The following FBLN1 variants were observed in gnomAD, a reference collection of about 807,000 sequenced individuals.
FBLN1 encodes the protein fibulin-1.
Under a neutral mutation model 89.7 loss-of-function variants are expected in FBLN1, and 34 were observed. That is an observed-to-expected ratio of 0.38 (90% CI 0.29 to 0.50). The LOEUF is 0.50. Ranked by LOEUF, FBLN1 falls within the 20% of genes least tolerant of loss-of-function variation. The pLI is 0.92. For missense variants in FBLN1, 777 were observed against 988.1 expected, an observed-to-expected ratio of 0.79 and a Z score of 2.86; for synonymous variants, 393 against 391.3, an observed-to-expected ratio of 1.00 and a Z score of -0.05.
intron 16 of FBLN1, among the ~76,000 whole-genome samples, chr22:45,595,089 G>A (rs2146668711): frequency 6.6e-6 from 1 of 152,292 alleles, no homozygotes; most frequent in South Asian, 2.1e-4. Flanking sequence ...GCAAGGAGGT[G>A]GAAGTCATGC....
rs557970493 is a variant in FBLN1 at position 45,574,496 on chromosome 22, T to C, written c.1698-15T>C. 1 of 1,614,078 alleles carries C rather than the reference T, an allele frequency of 6.2e-7. No homozygotes were observed. Among genetic ancestry groups the C allele is most frequent in the Non-Finnish European group, 8.5e-7 (1 of 1,180,020 alleles). ...CAGCTTCCCCGTCAGCCTCGTGTGC[T>C]GTGGTTCCCCTCAGGCTCCAGCAGG... On this transcript the variant is annotated splice_polypyrimidine_tract_variant and intron_variant, in intron 14 of 16. Coordinates refer to ENST00000327858, the MANE Select transcript of FBLN1 (RefSeq NM_006486.3). This position sits in a 1 kb window ranked among gnomAD's most constrained non-coding sequence, Gnocchi z 4.1.
intron 16 of FBLN1, among the ~76,000 whole-genome samples, chr22:45,582,208 T>C (rs2089048135): frequency 6.6e-6 from 1 of 152,134 alleles, no homozygotes; most frequent in East Asian, 1.9e-4. Flanking sequence ...GCCCTGATTA[T>C]TTTTTCTGGT....
chr22:45,589,269 A>G (rs1163280999), intron 16 of FBLN1, among the ~76,000 whole-genome samples: 1 of 152,100 alleles, frequency 6.6e-6, no homozygotes, highest in Non-Finnish European at 1.5e-5. Flanking sequence ...GAATGCACAC[A>G]TCATGCTGGG....
At chr22:45,589,111 A>T (rs908599784) in intron 16 of FBLN1, among the ~76,000 whole-genome samples, 2 of 147,776 alleles carry the variant, frequency 1.4e-5, no homozygotes, top group Non-Finnish European at 3.0e-5. Context: ...ATATATAAAA[A>T]TATTTTTATA....
At chr22:45,517,336 G>C (rs1231326685) in intron 1 of FBLN1, 5 of 328,144 alleles carry the variant, frequency 1.5e-5, no homozygotes, top group Non-Finnish European at 3.0e-5. Context: ...TCTGGCATTT[G>C]AGTCCTTTAG....
chr22:45,548,783 C>G, intron 13 of FBLN1, 39 bp downstream of exon 13: 2 of 1,609,356 alleles, frequency 1.2e-6, no homozygotes, highest in Non-Finnish European at 8.5e-7. Flanking sequence ...TCACGCTCTG[C>G]TTGGGGCCCT....
At chr22:45,555,235 C>G (rs1298430442) in intron 14 of FBLN1, among the ~76,000 whole-genome samples, 1 of 128,332 alleles carries the variant, frequency 7.8e-6, no homozygotes, top group Non-Finnish European at 1.6e-5. Context: ...AGGGACAGAA[C>G]TAATGGAATA....
In FBLN1 at chr22:45,550,605, T is replaced by C; in HGVS notation, c.1687T>C (p.Ser563Pro). Residue 563 changes from serine to proline, a missense_variant, in exon 14 of 17, where the codon TCC (serine) becomes CCC (proline). Transcript: ENST00000327858. This position sits in a 1 kb window ranked among gnomAD's most constrained non-coding sequence, Gnocchi z 8.4. ...CGAGTGCCCTGAGAACTACCGCCGCTCCGCAGCCACGTAAGTCCCTTGGAC... is the reference window on the plus strand; with the variant it reads ...CGAGTGCCCTGAGAACTACCGCCGCCCCGCAGCCACGTAAGTCCCTTGGAC... ...AFECPENYRRSAATLQQEKTD... is the reference protein window; with the variant it reads ...AFECPENYRRPAATLQQEKTD... 1 of 1,614,084 alleles carries C rather than the reference T, an allele frequency of 6.2e-7. No individual in the cohort carries two copies. Among genetic ancestry groups the C allele is most frequent in the South Asian group, 1.1e-5 (1 of 91,078 alleles).
intron 16 of FBLN1, among the ~76,000 whole-genome samples, chr22:45,593,156 A>ACCCCCCCCCCCCCCCCCCCCCC (rs150171236): frequency 2.2e-5 from 3 of 133,470 alleles, no homozygotes; most frequent in African/African-American, 8.4e-5. Flanking sequence ...AGGCAGAGAG[A>ACCCCCCCCCCCCCCCCCCCCCC]CCCCCCCCAC....
rs1248183927 is a variant in FBLN1 at position 45,574,550 on chromosome 22, G to T, written c.1737G>T (p.Lys579Asn). ...AGACAGACACGGTCCGCTGCATCAA[G>T]TCCTGCCGCCCCAACGATGTCACAT... is the stretch of plus-strand genomic sequence containing the variant. ...QEKTDTVRCI[K>N]SCRPNDVTCV... The change falls in exon 15 of 17, where the codon AAG (lysine) becomes AAT (asparagine). Residue 579 changes from lysine (K) to asparagine (N), a missense_variant. Transcript: ENST00000327858. This position sits in a 1 kb window ranked among gnomAD's most constrained non-coding sequence, Gnocchi z 4.1. 6.2e-7 allele frequency: 1 copy of T among 1,614,080 alleles called. No homozygotes were observed. Among genetic ancestry groups the T allele is most frequent in the East Asian group, 2.2e-5 (1 of 44,882 alleles).
intron 2 of FBLN1, among the ~76,000 whole-genome samples, chr22:45,520,087 T>C (rs112517036): frequency 8.5e-5 from 13 of 152,250 alleles, no homozygotes; most frequent in African/African-American, 3.1e-4. Context: ...AGAGAATCGC[T>C]TGAACCCGGG....
At chr22:45,533,451 C>T (rs527362436) in intron 6 of FBLN1, among the ~76,000 whole-genome samples, 2 of 152,324 alleles carry the variant, frequency 1.3e-5, no homozygotes, top group Admixed American at 1.3e-4. Flanking sequence ...GCACATCCTT[C>T]AGCCTCTCCT....
At chr22:45,524,236 CCA>C (rs2088290082) in intron 2 of FBLN1, among the ~76,000 whole-genome samples, 1 of 152,196 alleles carries the variant, frequency 6.6e-6, no homozygotes, top group South Asian at 2.1e-4. Context: ...GGGGAGGCCC[CCA>C]CCCTCTCTCC....
rs142798380 is a variant in FBLN1, at chr22:45,547,213, G to A, written c.1441+9G>A. 8,619 of 1,613,246 alleles carry A rather than the reference G, an allele frequency of 5.3e-3. 30 individuals are homozygous for A. The highest frequency in any genetic ancestry group is 6.6e-3 in the Non-Finnish European group (7,817 of 1,179,900). ...TGGAGTCACCTGTGAAGGTGCGGACGCCCCTGCCTGCTGAGGGGGAAAGCA... is the reference window on the plus strand; with the variant it reads ...TGGAGTCACCTGTGAAGGTGCGGACACCCCTGCCTGCTGAGGGGGAAAGCA... On this transcript the variant is annotated intron_variant, in intron 12 of 16. Coordinates refer to ENST00000327858, the MANE Select transcript of FBLN1 (RefSeq NM_006486.3).
At position 45,556,447 on chromosome 22, in the gene FBLN1, G is replaced by T. The variant is rs2088789241; in HGVS notation, c.1697+5832G>T. Among the ~76,000 whole-genome samples the T allele has an allele frequency of 6.9e-6, 1 of 145,710 alleles. No homozygotes were observed. The highest frequency in any genetic ancestry group is 2.2e-4 in the South Asian group (1 of 4,554). ...TTCAGCAAGCACCTTGGCAGATCTTGTTTTTTTTTTTTCCTGGTGGAGTGA... is the reference window on the plus strand; with the variant it reads ...TTCAGCAAGCACCTTGGCAGATCTTTTTTTTTTTTTTTCCTGGTGGAGTGA... On this transcript the variant is annotated intron_variant, in intron 14 of 16. Transcript: ENST00000327858. The surrounding 1 kb of genome is among the most constrained non-coding windows in gnomAD (Gnocchi z 4.6).
chr22:45,598,610 C>G (rs2089205786), intron 16 of FBLN1, among the ~76,000 whole-genome samples: 1 of 152,210 alleles, frequency 6.6e-6, no homozygotes, highest in Non-Finnish European at 1.5e-5. Flanking sequence ...CCCCGCTGGA[C>G]AATGCACACC....
At chr22:45,571,111 C>CAAAAA (rs542647353) in intron 14 of FBLN1, among the ~76,000 whole-genome samples, 20 of 70,824 alleles carry the variant, frequency 2.8e-4, no homozygotes, top group East Asian at 8.6e-4. Flanking sequence ...ACAAGAGTCT[C>CAAAAA]AAAAAAAAAA....
chr22:45,528,086 A>G, intron 4 of FBLN1, 77 bp downstream of exon 4: 1 of 1,537,266 alleles, frequency 6.5e-7, no homozygotes, highest in Non-Finnish European at 9.0e-7. Flanking sequence ...GAGAGTGGAG[A>G]GAGAGAGATT....
intron 1 of FBLN1, among the ~76,000 whole-genome samples, chr22:45,508,071 G>A (rs975878891): frequency 6.6e-6 from 1 of 152,054 alleles, no homozygotes; most frequent in Non-Finnish European, 1.5e-5. Context: ...CCCTGCCCCA[G>A]TTCACCTGTG....
Sources: gnomAD v4.1 joint callset for allele counts (sites outside exome capture counted in the v4.1 genomes callset) on GRCh38, gnomAD v4.1.1 for gene constraint, Gnocchi (gnomAD v3.1) non-coding constraint, MANE v1.5 for transcripts, NCBI Gene and HGNC (gene_info 2026-07-23, HGNC 2026-07-21) for gene names.